The following TCERG1L variants were observed in gnomAD, a reference collection of about 807,000 sequenced individuals.
The protein encoded by TCERG1L is transcription elongation regulator 1 like, also known as transcription elongation regulator 1-like protein.
TCERG1L carries 37 observed loss-of-function variants against 56.3 expected under a neutral mutation model. The observed-to-expected ratio is 0.66, with a 90% CI of 0.51 to 0.87. The LOEUF (loss-of-function observed/expected upper bound fraction) is 0.87, where lower values mean the gene tolerates loss of function less well. Ranked by LOEUF, TCERG1L falls within the 40% of genes least tolerant of loss-of-function variation. The pLI, the probability that TCERG1L is intolerant of heterozygous loss-of-function variation, is 0.00. For synonymous variants in TCERG1L, 324 were observed against 326.3 expected (o/e 0.99, Z 0.08); for missense variants, 799 against 774.2 (o/e 1.03, Z -0.38).
rs552023694 is a variant in TCERG1L at position 131,267,529 on chromosome 10, C to T, written c.671-7085G>A. ...TGCAAAGTGAGCAGACCTGGCTGTG[C>T]CCTTCTCTGCGTCTCCCTCTGCCGC... On this transcript the variant is annotated intron_variant, in intron 3 of 11. Transcript: ENST00000368642. The surrounding 1 kb of genome is among the most constrained non-coding windows in gnomAD (Gnocchi z 4.9). 7.9e-5 allele frequency among the ~76,000 whole-genome samples: 12 copies of T among 152,298 alleles called. No homozygotes were observed. The highest frequency in any genetic ancestry group is 2.9e-4 in the African/African-American group (12 of 41,564).
Position 131,246,851 on chromosome 10 carries a change from G to A in TCERG1L, c.856+13408C>T, listed in dbSNP as rs565405658. Among the ~76,000 whole-genome samples, 7 of 152,340 alleles carry A rather than the reference G, an allele frequency of 4.6e-5. No homozygotes were observed. In the South Asian group the frequency reaches 6.2e-4, roughly 14 times the overall value. On this transcript the variant is annotated intron_variant, in intron 4 of 11. Transcript: ENST00000368642. ...TGCCGGGAGCATAGAGGTGGGGGCC[G>A]CACACTCAGCGGACAGGACTCTGAG...
rs377539804 is a variant in TCERG1L, at chr10:131,207,980, C to A, written c.857-41095G>T. On this transcript the variant is annotated intron_variant, in intron 4 of 11. Coordinates refer to ENST00000368642, the MANE Select transcript of TCERG1L (RefSeq NM_174937.4). ...GCTGTGCTGAGAGGGAGTCAAGGTT[C>A]CCCGAACTCCACTTCCACAATGAGC... Among the ~76,000 whole-genome samples the A allele has an allele frequency of 3.8e-3, 577 of 152,232 alleles. 5 individuals carry two copies. Among genetic ancestry groups the A allele is most frequent in the Middle Eastern group, 0.031 (9 of 294 alleles).
intron 4 of TCERG1L, among the ~76,000 whole-genome samples, chr10:131,255,552 G>T (rs1238819256): frequency 2.0e-5 from 3 of 152,206 alleles, no homozygotes; most frequent in Admixed American, 2.0e-4. Flanking sequence ...GGAGGCACTG[G>T]GTGTCTATTG....
Position 131,093,057 on chromosome 10 carries a change from G to A in TCERG1L, c.*105C>T, listed in dbSNP as rs140853467. 65 of 1,259,422 alleles carry A rather than the reference G, an allele frequency of 5.2e-5. No individual in the cohort carries two copies. Among genetic ancestry groups the A allele is most frequent in the East Asian group, 3.5e-4 (15 of 42,684 alleles). 78.0% of individuals were successfully genotyped at this position (1,259,422 alleles called of 1,614,324 possible). A position where few individuals can be genotyped will look rare whatever the true frequency, so the allele number is the denominator to read the frequency against. ...CCGCAGTGCCGGTGCCCGCTGGGCC[G>A]TGCAGGTCTCGGCCGCCCCACGCCC... On this transcript the variant is annotated 3_prime_UTR_variant, in exon 12 of 12. Transcript: ENST00000368642.
intron 8 of TCERG1L, among the ~76,000 whole-genome samples, chr10:131,124,046 G>A (rs1288436231): frequency 1.3e-5 from 2 of 152,146 alleles, no homozygotes; most frequent in African/African-American, 4.8e-5. Flanking sequence ...CTGTAGAGTG[G>A]GGGACACTTT....
At chr10:131,282,137 G>GAA (rs543405432) in intron 3 of TCERG1L, among the ~76,000 whole-genome samples, 9 of 92,538 alleles carry the variant, frequency 9.7e-5, no homozygotes, top group Admixed American at 1.3e-4. Flanking sequence ...CTCCATCTCA[G>GAA]AAAAAAAAAA....
chr10:131,248,837 C>G (rs955537163), intron 4 of TCERG1L, among the ~76,000 whole-genome samples: 2 of 152,184 alleles, frequency 1.3e-5, no homozygotes, highest in African/African-American at 4.8e-5. Flanking sequence ...CCATCACAGC[C>G]CCCCCAACCG....
intron 5 of TCERG1L, 75 bp from the exon 6 acceptor site, chr10:131,163,285 G>A (rs767378698): frequency 3.3e-6 from 4 of 1,196,430 alleles, no homozygotes; most frequent in Admixed American, 6.8e-5. Flanking sequence ...AGGAAGGGAG[G>A]AATAAACAAA....
chr10:131,131,540 T>A (rs1564797881), intron 8 of TCERG1L, among the ~76,000 whole-genome samples: 1 of 152,202 alleles, frequency 6.6e-6, no homozygotes, highest in Non-Finnish European at 1.5e-5. Flanking sequence ...CCACGTAGAT[T>A]AGAATATTTC....
chr10:131,217,878 C>G (rs1375550343), intron 4 of TCERG1L, among the ~76,000 whole-genome samples: 1 of 152,080 alleles, frequency 6.6e-6, no homozygotes, highest in African/African-American at 2.4e-5. Flanking sequence ...CCCGCCACCA[C>G]GCCCGGCTAA....
chr10:131,287,915 C>G (rs1846563879), intron 3 of TCERG1L, among the ~76,000 whole-genome samples: 1 of 152,198 alleles, frequency 6.6e-6, no homozygotes, highest in South Asian at 2.1e-4. Flanking sequence ...AGTCTGTGCT[C>G]TCAGTAATGA....
At chr10:131,111,334 C>G (rs1454701222) in intron 9 of TCERG1L, among the ~76,000 whole-genome samples, 1 of 142,752 alleles carries the variant, frequency 7.0e-6, no homozygotes, top group Admixed American at 6.9e-5. Flanking sequence ...AGTCTCTGCC[C>G]CTCAAGGAAA....
At chr10:131,110,252 T>C (rs1479163068) in intron 9 of TCERG1L, among the ~76,000 whole-genome samples, 2 of 152,204 alleles carry the variant, frequency 1.3e-5, no homozygotes, top group Non-Finnish European at 2.9e-5. Context: ...CATTTGGTCA[T>C]GGTCATCTGG....
At chr10:131,107,525 G>A (rs561414495) in intron 9 of TCERG1L, among the ~76,000 whole-genome samples, 2 of 152,284 alleles carry the variant, frequency 1.3e-5, no homozygotes, top group East Asian at 1.9e-4. Context: ...GGGGGCTGAA[G>A]TGAAGGCCGC....
rs116521180 is a variant in TCERG1L at position 131,224,485 on chromosome 10, G to A, written c.856+35774C>T. On this transcript the variant is annotated intron_variant, in intron 4 of 11. Coordinates refer to ENST00000368642, the MANE Select transcript of TCERG1L (RefSeq NM_174937.4). ...GGCTCTAGGACCCAGGGAGTCAGGG[G>A]TTTTATCTAATTCACCAGGGATCCT... 9.7e-3 allele frequency among the ~76,000 whole-genome samples: 1,474 copies of A among 152,294 alleles called. 29 individuals carry two copies. The highest frequency in any genetic ancestry group is 0.034 in the African/African-American group (1,404 of 41,552).
intron 4 of TCERG1L, among the ~76,000 whole-genome samples, chr10:131,241,975 G>A (rs1466082195): frequency 2.0e-5 from 3 of 152,150 alleles, no homozygotes; most frequent in Non-Finnish European, 4.4e-5. Flanking sequence ...AAAGGTAGTA[G>A]AGCAATTCCT....
intron 4 of TCERG1L, among the ~76,000 whole-genome samples, chr10:131,167,936 C>T (rs1309010864): frequency 1.3e-5 from 2 of 152,192 alleles, no homozygotes; most frequent in East Asian, 3.8e-4. Context: ...AGGACCCAAA[C>T]CATCTAACCA....
chr10:131,172,711 G>A (rs1846107395), intron 4 of TCERG1L, among the ~76,000 whole-genome samples: 1 of 152,182 alleles, frequency 6.6e-6, no homozygotes, highest in South Asian at 2.1e-4. Flanking sequence ...AGAACACCCA[G>A]GCCTGTGCCA....
chr10:131,293,359 T>C (rs1003552844), intron 3 of TCERG1L, among the ~76,000 whole-genome samples: 2 of 152,146 alleles, frequency 1.3e-5, no homozygotes, highest in African/African-American at 4.8e-5. Context: ...TATCGCCGTC[T>C]TGGACAAGCA....
Sources: allele counts gnomAD v4.1 joint callset (sites outside exome capture counted in the v4.1 genomes callset), GRCh38; gene constraint gnomAD v4.1.1; non-coding constraint Gnocchi (gnomAD v3.1); transcripts MANE v1.5; gene names NCBI Gene and HGNC (gene_info 2026-07-23, HGNC 2026-07-21).